ADGRL4: variants seen among roughly 807,000 people sequenced by gnomAD.
ADGRL4 encodes EGF, latrophilin and seven transmembrane domain containing 1.
Under a neutral mutation model 74.8 loss-of-function variants are expected in ADGRL4, and 90 were observed. The observed-to-expected ratio is 1.20, with a 90% CI of 1.02 to 1.43. The LOEUF is 1.43. ADGRL4 is among the 40% of genes most tolerant of loss of function. The pLI is 0.00. For missense variants in ADGRL4, 881 were observed against 814.3 expected (o/e 1.08, Z -1.00); for synonymous variants, 311 against 279.2 (o/e 1.11, Z -1.14).
chr1:78,937,014 T>A (rs1649368132), intron 6 of ADGRL4, among the ~76,000 whole-genome samples: 1 of 152,162 alleles, frequency 6.6e-6, no homozygotes, highest in South Asian at 2.1e-4. Flanking sequence ...CAGAAAAAGT[T>A]TATAGGGATC....
intron 12 of ADGRL4, among the ~76,000 whole-genome samples, chr1:78,905,752 T>C (rs992000666): frequency 7.2e-5 from 11 of 152,026 alleles, no homozygotes; most frequent in Non-Finnish European, 1.5e-4. Flanking sequence ...AATCATTTGT[T>C]GAATAAATAA....
At chr1:78,927,238 A>G (rs1649136448) in intron 7 of ADGRL4, 147 bp from the exon 8 acceptor site, 1 of 606,224 alleles carries the variant, frequency 1.6e-6, no homozygotes. Context: ...GACCACAATA[A>G]GCCTATGCCT....
chr1:78,917,522 T>A (rs920728316), intron 12 of ADGRL4, 112 bp downstream of exon 12: 11 of 610,884 alleles, frequency 1.8e-5, no homozygotes, highest in Admixed American at 3.5e-5. Flanking sequence ...AGTGATATAC[T>A]GTAAAATATT....
At chr1:78,991,575 T>A (rs1201935613) in intron 2 of ADGRL4, among the ~76,000 whole-genome samples, 1 of 152,010 alleles carries the variant, frequency 6.6e-6, no homozygotes, top group Non-Finnish European at 1.5e-5. Context: ...TAAGTCTCGA[T>A]ATGCTCATCA....
At chr1:79,000,409 G>C (rs918380811) in intron 2 of ADGRL4, among the ~76,000 whole-genome samples, 6 of 152,116 alleles carry the variant, frequency 3.9e-5, no homozygotes, top group Non-Finnish European at 8.8e-5. Flanking sequence ...AATGAACCAG[G>C]TCAGCGAAGT....
intron 8 of ADGRL4, among the ~76,000 whole-genome samples, chr1:78,925,892 A>G (rs529928519): frequency 2.0e-5 from 3 of 152,092 alleles, no homozygotes; most frequent in Non-Finnish European, 4.4e-5. Context: ...TTTGGTTTCT[A>G]GTATTAAAAA....
intron 2 of ADGRL4, among the ~76,000 whole-genome samples, chr1:78,955,394 GTTTGT>G (rs1428886113): frequency 3.9e-5 from 6 of 152,014 alleles, no homozygotes; most frequent in African/African-American, 1.2e-4. Context: ...TTGTGGCATA[GTTTGT>G]TTTATTTACT....
At chr1:78,984,860 G>A (rs1650462716) in intron 2 of ADGRL4, among the ~76,000 whole-genome samples, 1 of 151,586 alleles carries the variant, frequency 6.6e-6, no homozygotes, top group Non-Finnish European at 1.5e-5. Flanking sequence ...ACTCATGGTA[G>A]AACAGAATGT....
chr1:79,001,843 A>G (rs1479542515), intron 2 of ADGRL4, among the ~76,000 whole-genome samples: 1 of 152,114 alleles, frequency 6.6e-6, no homozygotes, highest in Non-Finnish European at 1.5e-5. Context: ...CATTTTTTCA[A>G]GGTAGTTATG....
intron 2 of ADGRL4, among the ~76,000 whole-genome samples, chr1:78,952,106 G>C (rs571860230): frequency 1.3e-5 from 2 of 151,134 alleles, no homozygotes; most frequent in Non-Finnish European, 2.9e-5. Context: ...AAAAAGAATC[G>C]TCTTTTTTTT....
chr1:78,900,275 T>C (rs1348627480), intron 12 of ADGRL4, among the ~76,000 whole-genome samples: 1 of 152,084 alleles, frequency 6.6e-6, no homozygotes, highest in Non-Finnish European at 1.5e-5. Context: ...AATGAATTCT[T>C]CCGCAGTCCC....
intron 7 of ADGRL4, among the ~76,000 whole-genome samples, chr1:78,927,318 G>A (rs1428336676): frequency 1.3e-5 from 2 of 152,024 alleles, no homozygotes; most frequent in Non-Finnish European, 2.9e-5. Flanking sequence ...GAACTGTGTA[G>A]TATCCCCTTT....
rs569393326 is a variant in ADGRL4, at chr1:78,948,308, T to C, written c.173-1882A>G. ...AAGGTTGAGTTATCAAAAGTTTGTA[T>C]AGACCAGGTGGGTAATGTAACAGTT... On this transcript the variant is annotated intron_variant, in intron 2 of 14. Coordinates refer to ENST00000370742, the MANE Select transcript of ADGRL4 (RefSeq NM_022159.4). Among the ~76,000 whole-genome samples, 93 of 152,270 alleles carry C rather than the reference T, an allele frequency of 6.1e-4. 1 individual carries two copies. The South Asian group carries it at 0.019, about 31-fold the overall frequency.
At chr1:78,901,789 T>G (rs1260213781) in intron 12 of ADGRL4, among the ~76,000 whole-genome samples, 4 of 152,288 alleles carry the variant, frequency 2.6e-5, no homozygotes, top group African/African-American at 9.6e-5. Context: ...GAAGCGTCTC[T>G]CTGCTAACAC....
chr1:78,981,401 G>A (rs536231122), intron 2 of ADGRL4, among the ~76,000 whole-genome samples: 4 of 151,844 alleles, frequency 2.6e-5, no homozygotes, highest in African/African-American at 9.7e-5. Context: ...AAATTATTTT[G>A]TGCCATTTTA....
At chr1:78,992,529 G>T (rs1293575057) in intron 2 of ADGRL4, among the ~76,000 whole-genome samples, 2 of 151,994 alleles carry the variant, frequency 1.3e-5, no homozygotes, top group Non-Finnish European at 1.5e-5. Flanking sequence ...GTTAGAGTTT[G>T]TTCCCTATAG....
At chr1:78,985,112 C>T (rs1387985719) in intron 2 of ADGRL4, among the ~76,000 whole-genome samples, 1 of 151,562 alleles carries the variant, frequency 6.6e-6, no homozygotes, top group Non-Finnish European at 1.5e-5. Flanking sequence ...TCATTTTAGT[C>T]TCTTTTTTCT....
chr1:78,903,701 C>G (rs137869766), intron 12 of ADGRL4, among the ~76,000 whole-genome samples: 5,912 of 151,864 alleles, frequency 0.039, 154 homozygotes, highest in Middle Eastern at 0.058. Flanking sequence ...TTTGGGAGGC[C>G]GAGGAGGGTG....
intron 2 of ADGRL4, among the ~76,000 whole-genome samples, chr1:78,947,463 G>T (rs1433989602): frequency 3.3e-5 from 5 of 152,182 alleles, no homozygotes; most frequent in Non-Finnish European, 4.4e-5. Context: ...GAGGAGGCAA[G>T]GAAGGATTCT....
Sources: allele counts gnomAD v4.1 joint callset (sites outside exome capture counted in the v4.1 genomes callset), GRCh38; gene constraint gnomAD v4.1.1; transcripts MANE v1.5; gene names NCBI Gene and HGNC (gene_info 2026-07-23, HGNC 2026-07-21).